Variants in EPHB1 observed in about 807,000 individuals in gnomAD.
The protein encoded by EPHB1 is EPH receptor B1, also known as ephrin type-B receptor 1.
Under a neutral mutation model 94.4 loss-of-function variants are expected in EPHB1, and 30 were observed. The ratio of observed to expected loss-of-function variants is 0.32; its 90% CI spans 0.24 to 0.43. The LOEUF is 0.43. EPHB1 is among the 20% of genes least tolerant of loss of function. The pLI is 1.00. For missense variants in EPHB1, 1,055 were observed against 1,308.3 expected (o/e 0.81, Z 2.99); for synonymous variants, 522 against 489.1 (o/e 1.07, Z -0.89).
chr3:134,869,029 A>T (rs2037442652), intron 1 of EPHB1, among the ~76,000 whole-genome samples: 1 of 152,244 alleles, frequency 6.6e-6, no homozygotes, highest in South Asian at 2.1e-4. Context: ...TGGGCAAGCC[A>T]CTTAACATTT....
rs144941764 is a variant in EPHB1, at chr3:135,231,586, C to T, written c.2347-9562C>T. 8.3e-3 allele frequency among the ~76,000 whole-genome samples: 1,264 copies of T among 152,254 alleles called. 21 individuals are homozygous for T. The highest frequency in any genetic ancestry group is 0.028 in the African/African-American group (1,181 of 41,532). ...GGGGAGAGGCAGCAAGGACCCCACC[C>T]GATTGTAAATCTTTCCATTTGTAGT... On this transcript the variant is annotated intron_variant, in intron 12 of 15. Coordinates refer to ENST00000398015, the MANE Select transcript of EPHB1 (RefSeq NM_004441.5).
At chr3:135,144,296 C>T (rs1038469155) in intron 5 of EPHB1, among the ~76,000 whole-genome samples, 1 of 152,200 alleles carries the variant, frequency 6.6e-6, no homozygotes, top group South Asian at 2.1e-4. Context: ...GCCTCAGATG[C>T]CCTGTCAAAC....
chr3:134,892,484 G>A (rs2038005774), intron 1 of EPHB1, among the ~76,000 whole-genome samples: 1 of 152,174 alleles, frequency 6.6e-6, no homozygotes, highest in Non-Finnish European at 1.5e-5. Flanking sequence ...AACTCTATTT[G>A]CGTGAGAAAA....
chr3:134,991,747 C>T lies in EPHB1; in HGVS notation c.805+39695C>T, dbSNP rs962247213. On this transcript the variant is annotated intron_variant, in intron 3 of 15. Coordinates refer to ENST00000398015, the MANE Select transcript of EPHB1 (RefSeq NM_004441.5). ...ACTTGAGGCCTTTCCAATATTGATC[C>T]CTCTGCCTGGATTGCACCTCCCTTT... Among the ~76,000 whole-genome samples the T allele has an allele frequency of 3.3e-5, 5 of 152,256 alleles. No homozygotes were observed. In the South Asian group the frequency reaches 1.0e-3, roughly 32 times the overall value.
intron 10 of EPHB1, among the ~76,000 whole-genome samples, chr3:135,189,598 A>G (rs983916842): frequency 1.3e-5 from 2 of 152,234 alleles, no homozygotes; most frequent in African/African-American, 2.4e-5. Context: ...AAATATGTCA[A>G]TGTGCAGGCT....
chr3:134,960,809 G>T (rs1318157852), intron 3 of EPHB1, among the ~76,000 whole-genome samples: 1 of 152,230 alleles, frequency 6.6e-6, no homozygotes, highest in African/African-American at 2.4e-5. Context: ...TCTTTTCATT[G>T]AGGATAGGAC....
rs1463657910 is a variant in EPHB1 at position 135,192,760 on chromosome 3, G to T, written c.2067G>T (p.Lys689Asn). 1 of 1,614,186 alleles carries T rather than the reference G, an allele frequency of 6.2e-7. No homozygotes were observed. The highest frequency in any genetic ancestry group is 1.7e-5 in the Admixed American group (1 of 60,026). ...TTCGCCTGGAGGGTGTGGTCACCAA[G>T]AGTCGGCCTGTCATGATCATCACAG... Reference protein sequence around the residue: ...NIIRLEGVVTKSRPVMIITEF... With the variant: ...NIIRLEGVVTNSRPVMIITEF... Residue 689 changes from lysine to asparagine, a missense_variant, in exon 11 of 16, where the codon AAG (lysine) becomes AAT (asparagine). Coordinates refer to ENST00000398015, the MANE Select transcript of EPHB1 (RefSeq NM_004441.5).
intron 6 of EPHB1, among the ~76,000 whole-genome samples, chr3:135,156,201 C>T (rs545837584): frequency 4.9e-4 from 74 of 151,810 alleles, no homozygotes; most frequent in Non-Finnish European, 9.6e-4. Context: ...GTAAAATGGC[C>T]AAGCAGAGAT....
intron 3 of EPHB1, 116 bp from the exon 4 acceptor site, chr3:135,106,332 G>C (rs577894940): frequency 8.7e-7 from 1 of 1,143,562 alleles, no homozygotes; most frequent in South Asian, 1.4e-5. Context: ...CCCTTGGTAC[G>C]AGAGGGGCAT....
At chr3:135,096,893 C>G (rs6767090) in intron 3 of EPHB1, among the ~76,000 whole-genome samples, 14 of 152,098 alleles carry the variant, frequency 9.2e-5, no homozygotes, top group South Asian at 2.1e-4. Flanking sequence ...GTCGGGAGAT[C>G]GAGACCATCC....
At chr3:134,953,998 C>G (rs1266746321) in intron 3 of EPHB1, among the ~76,000 whole-genome samples, 1 of 152,234 alleles carries the variant, frequency 6.6e-6, no homozygotes, top group Non-Finnish European at 1.5e-5. Flanking sequence ...ACTTTACAAA[C>G]TACTTATTGC....
intron 3 of EPHB1, among the ~76,000 whole-genome samples, chr3:135,029,777 C>T (rs953481364): frequency 1.6e-4 from 24 of 151,962 alleles, no homozygotes; most frequent in East Asian, 1.9e-4. Flanking sequence ...GCCTGCCTTG[C>T]GAGATTTGGG....
chr3:135,033,622 C>T (rs1936555333), intron 3 of EPHB1, among the ~76,000 whole-genome samples: 1 of 152,200 alleles, frequency 6.6e-6, no homozygotes, highest in Admixed American at 6.5e-5. Context: ...GAGGTAAATT[C>T]TTCTTCGTAA....
intron 3 of EPHB1, among the ~76,000 whole-genome samples, chr3:135,097,838 C>T (rs943173905): frequency 6.6e-6 from 1 of 152,192 alleles, no homozygotes; most frequent in Non-Finnish European, 1.5e-5. Flanking sequence ...CTCCAGCCCT[C>T]CTCCCACCAT....
rs770155473 is a variant in EPHB1, at chr3:135,132,716, G to A, written c.964G>A (p.Val322Ile). 2.3e-4 allele frequency: 357 copies of A among 1,577,942 alleles called. No homozygotes were observed. The highest frequency in any genetic ancestry group is 2.8e-4 in the Non-Finnish European group (319 of 1,156,850). Residue 322 changes from valine to isoleucine, a missense_variant and splice_region_variant, in exon 5 of 16, where the codon GTC becomes ATC. By Grantham distance (29) the Val-to-Ile change is conservative. Coordinates refer to ENST00000398015, the MANE Select transcript of EPHB1 (RefSeq NM_004441.5). ...FDPPEVACTS[V>I]PSGPRNVISI... ...GGACCTTCTTTGTCTCCCTGCAGGC[G>A]TCCCATCAGGTCCCCGCAATGTTAT...
At chr3:135,160,496 G>A (rs142184455) in intron 6 of EPHB1, among the ~76,000 whole-genome samples, 44 of 152,110 alleles carry the variant, frequency 2.9e-4, no homozygotes, top group East Asian at 9.7e-4. Flanking sequence ...ACTCATCTCA[G>A]TACCCCAGAT....
intron 1 of EPHB1, among the ~76,000 whole-genome samples, chr3:134,861,573 A>G (rs1023156854): frequency 1.3e-5 from 2 of 152,188 alleles, no homozygotes; most frequent in Non-Finnish European, 1.5e-5. Context: ...AAAGCTGAGG[A>G]AAAACTGTGT....
At chr3:135,048,413 G>T (rs1339285459) in intron 3 of EPHB1, among the ~76,000 whole-genome samples, 4 of 151,710 alleles carry the variant, frequency 2.6e-5, no homozygotes, top group Non-Finnish European at 5.9e-5. Flanking sequence ...GGGACTATGG[G>T]TGTGTGCCAC....
At chr3:135,105,525 G>T (rs1255897943) in intron 3 of EPHB1, among the ~76,000 whole-genome samples, 1 of 152,170 alleles carries the variant, frequency 6.6e-6, no homozygotes, top group Non-Finnish European at 1.5e-5. Context: ...ACAAGGAAGA[G>T]ACCAGATGTC....
Sources: allele counts gnomAD v4.1 joint callset (sites outside exome capture counted in the v4.1 genomes callset), GRCh38; gene constraint gnomAD v4.1.1; transcripts MANE v1.5; gene names NCBI Gene and HGNC (gene_info 2026-07-23, HGNC 2026-07-21).